The following PARD3 variants were observed in gnomAD, a reference collection of about 807,000 sequenced individuals.
PARD3 encodes the protein partitioning defective 3 homolog.
Under a neutral mutation model 155.4 loss-of-function variants are expected in PARD3, and 75 were observed. The observed-to-expected ratio is 0.48, with a 90% CI of 0.40 to 0.58. The LOEUF (loss-of-function observed/expected upper bound fraction) is 0.58, where lower values mean the gene tolerates loss of function less well. PARD3 is among the 20% of genes least tolerant of loss of function. The pLI, the probability that PARD3 is intolerant of heterozygous loss-of-function variation, is 0.00. For synonymous variants in PARD3, 576 were observed against 610.5 expected, an observed-to-expected ratio of 0.94 and a Z score of 0.83; for missense variants, 1,642 against 1,721.7, an observed-to-expected ratio of 0.95 and a Z score of 0.82.
At chr10:34,682,113 G>T (rs2093854072) in intron 2 of PARD3, among the ~76,000 whole-genome samples, 1 of 152,036 alleles carries the variant, frequency 6.6e-6, no homozygotes. Flanking sequence ...GCAGCCAAGA[G>T]ATCCCTGTTG....
intron 2 of PARD3, among the ~76,000 whole-genome samples, chr10:34,611,766 C>T (rs1399212731): frequency 1.3e-5 from 2 of 151,714 alleles, no homozygotes; most frequent in East Asian, 3.9e-4. Flanking sequence ...TATTTTCATC[C>T]ACGTACATGA....
intron 2 of PARD3, among the ~76,000 whole-genome samples, chr10:34,662,163 T>C (rs2093341804): frequency 6.6e-6 from 1 of 152,036 alleles, no homozygotes. Context: ...TTCCCCAACA[T>C]CACCCATCAT....
At chr10:34,787,260 T>G (rs1485214067) in intron 1 of PARD3, among the ~76,000 whole-genome samples, 1 of 152,124 alleles carries the variant, frequency 6.6e-6, no homozygotes, top group South Asian at 2.1e-4. Context: ...GCGCCTGTAA[T>G]CCCAGCTACT....
At chr10:34,787,124 G>A (rs1406079890) in intron 1 of PARD3, among the ~76,000 whole-genome samples, 1 of 152,198 alleles carries the variant, frequency 6.6e-6, no homozygotes, top group Non-Finnish European at 1.5e-5. Flanking sequence ...GCTCACGCCT[G>A]TAATCCCAGC....
chr10:34,197,366 C>T (rs894464977), intron 22 of PARD3, among the ~76,000 whole-genome samples: 6 of 152,254 alleles, frequency 3.9e-5, no homozygotes, highest in East Asian at 1.9e-4. Flanking sequence ...TTTTTGTCCA[C>T]GAACTCCTAG....
intron 2 of PARD3, among the ~76,000 whole-genome samples, chr10:34,680,058 G>A (rs1934521237): frequency 6.6e-6 from 1 of 151,952 alleles, no homozygotes; most frequent in Non-Finnish European, 1.5e-5. Context: ...GTAAGAACCT[G>A]CACTTGTACT....
intron 22 of PARD3, among the ~76,000 whole-genome samples, chr10:34,265,173 C>G (rs1036115369): frequency 6.6e-6 from 1 of 152,292 alleles, no homozygotes; most frequent in South Asian, 2.1e-4. Context: ...CACTAATAAA[C>G]AGTAGTAACA....
At chr10:34,441,528 CACTATGTCTTTTGTTGTT>C (rs1285838703) in intron 5 of PARD3, among the ~76,000 whole-genome samples, 1 of 152,158 alleles carries the variant, frequency 6.6e-6, no homozygotes, top group African/African-American at 2.4e-5. Context: ...TTCCCAGATT[CACTATGTCTTTTGTTGTT>C]AAATATATGG....
intron 12 of PARD3, among the ~76,000 whole-genome samples, chr10:34,366,362 C>T (rs1839966653): frequency 6.6e-6 from 1 of 152,178 alleles, no homozygotes; most frequent in Non-Finnish European, 1.5e-5. Context: ...GGCTGGGTTA[C>T]AGCGTTGTAG....
intron 3 of PARD3, among the ~76,000 whole-genome samples, chr10:34,508,041 A>C (rs1564791314): frequency 6.6e-6 from 1 of 152,242 alleles, no homozygotes; most frequent in Non-Finnish European, 1.5e-5. Flanking sequence ...TTCTAGAAAG[A>C]CAAAATCAAT....
intron 20 of PARD3, among the ~76,000 whole-genome samples, chr10:34,314,111 A>G (rs1038328991): frequency 6.6e-5 from 10 of 152,168 alleles, no homozygotes; most frequent in African/African-American, 2.4e-4. Context: ...TAAGGAAACC[A>G]CATCCTAGTT....
chr10:34,791,399 C>T (rs1161820880), intron 1 of PARD3, among the ~76,000 whole-genome samples: 1 of 152,218 alleles, frequency 6.6e-6, no homozygotes, highest in African/African-American at 2.4e-5. Flanking sequence ...GCGTCATCAC[C>T]AAGCCCGGGA....
chr10:34,225,134 C>T (rs1477032007), intron 22 of PARD3, among the ~76,000 whole-genome samples: 1 of 152,152 alleles, frequency 6.6e-6, no homozygotes, highest in African/African-American at 2.4e-5. Context: ...TGAATAAGCT[C>T]ATATTCCAGT....
intron 22 of PARD3, among the ~76,000 whole-genome samples, chr10:34,145,205 ATATATATATATATATAT>A (rs1411648032): frequency 1.8e-4 from 11 of 61,268 alleles, no homozygotes; most frequent in African/African-American, 1.0e-3. Context: ...ATATATATAT[ATATATATATATATATAT>A]TTTTTTTTTT....
At chr10:34,550,573 G>GA (rs1191338671) in intron 2 of PARD3, among the ~76,000 whole-genome samples, 1 of 151,588 alleles carries the variant, frequency 6.6e-6, no homozygotes. Context: ...CCTTCCTTTT[G>GA]AAAAAAACAT....
At chr10:34,797,843 G>A (rs778649292) in intron 1 of PARD3, among the ~76,000 whole-genome samples, 2 of 152,116 alleles carry the variant, frequency 1.3e-5, no homozygotes, top group Non-Finnish European at 2.9e-5. Flanking sequence ...ACATCATTTA[G>A]AGTCAACAGC....
intron 22 of PARD3, among the ~76,000 whole-genome samples, chr10:34,169,452 T>C (rs1305028067): frequency 6.6e-6 from 1 of 151,994 alleles, no homozygotes; most frequent in Non-Finnish European, 1.5e-5. Context: ...TACTGACAAA[T>C]ATAATGAGAA....
intron 19 of PARD3, among the ~76,000 whole-genome samples, chr10:34,328,583 G>C (rs1299886526): frequency 6.6e-6 from 1 of 152,154 alleles, no homozygotes; most frequent in Non-Finnish European, 1.5e-5. Context: ...GACACTGGTG[G>C]CCTTTCCCAC....
At chr10:34,503,533 T>C (rs2080851534) in intron 3 of PARD3, among the ~76,000 whole-genome samples, 1 of 152,236 alleles carries the variant, frequency 6.6e-6, no homozygotes, top group Non-Finnish European at 1.5e-5. Context: ...TACGTATATA[T>C]GTATTTGTAT....
Sources: gnomAD v4.1 joint callset for allele counts (sites outside exome capture counted in the v4.1 genomes callset) on GRCh38, gnomAD v4.1.1 for gene constraint, MANE v1.5 for transcripts, NCBI Gene and HGNC (gene_info 2026-07-23, HGNC 2026-07-21) for gene names.